MYO9A: variants seen among roughly 807,000 people sequenced by gnomAD.
MYO9A encodes the protein myosin IXA, also known as unconventional myosin-IXa.
In MYO9A, 103 loss-of-function variants were observed where a neutral mutation model predicts 293.3. The observed-to-expected ratio is 0.35, with a 90% confidence interval of 0.30 to 0.41. MYO9A has a LOEUF of 0.41. Ranked by LOEUF, MYO9A falls within the 10% of genes least tolerant of loss-of-function variation. The pLI is 1.00. For missense variants in MYO9A, 2,685 were observed against 3,033.0 expected, an observed-to-expected ratio of 0.89 and a Z score of 2.69; for synonymous variants, 1,001 against 1,035.7, an observed-to-expected ratio of 0.97 and a Z score of 0.64.
intron 13 of MYO9A, among the ~76,000 whole-genome samples, chr15:71,966,304 GTGTA>G (rs2075876248): frequency 5.3e-5 from 8 of 150,794 alleles, no homozygotes; most frequent in Admixed American, 4.7e-4. Flanking sequence ...GTGTGTGTGT[GTGTA>G]TGATTCTATT....
In MYO9A at chr15:71,908,327, A is replaced by AT. The variant is rs200033484; in HGVS notation, c.2686-3322dup. Among the ~76,000 whole-genome samples the AT allele has an allele frequency of 3.1e-3, 467 of 151,416 alleles. 2 individuals carry two copies. The highest frequency in any genetic ancestry group is 5.4e-3 in the Non-Finnish European group (364 of 67,742). The stretch of plus-strand genomic sequence containing the variant: ...ATATCTCTGTTTTGGTACCCGGCTA[A>AT]TTTTTTTTTGTATTTTTAGTAGAGA... On this transcript the variant is annotated intron_variant, in intron 19 of 41. Transcript: ENST00000356056.
Position 71,830,076 on chromosome 15 carries a change from T to C in MYO9A, c.7040+33A>G, listed in dbSNP as rs142606456. ...GAAGGAAGGAAACAAAAACAGACTA[T>C]AACTGTCTCTCCCCTTCCTCCTGGA... On this transcript the variant is annotated intron_variant, in intron 40 of 41. Coordinates refer to ENST00000356056, the MANE Select transcript of MYO9A (RefSeq NM_006901.4). 13,127 of 1,602,802 alleles carry C rather than the reference T, an allele frequency of 8.2e-3. 103 individuals are homozygous for C. The highest frequency in any genetic ancestry group is 0.023 in the African/African-American group (1,752 of 74,686).
intron 9 of MYO9A, chr15:71,999,185 T>A (rs1173544669): frequency 6.6e-6 from 1 of 152,150 alleles, no homozygotes; most frequent in African/African-American, 2.4e-5. Context: ...CCTGTCCAAT[T>A]TTTATAATTA....
chr15:72,053,454 A>G (rs1363131478), intron 1 of MYO9A, among the ~76,000 whole-genome samples: 2 of 152,208 alleles, frequency 1.3e-5, no homozygotes, highest in African/African-American at 4.8e-5. Flanking sequence ...TGTGGCACAT[A>G]TACACCACGG....
intron 4 of MYO9A, among the ~76,000 whole-genome samples, chr15:72,023,080 T>C (rs1043562185): frequency 1.3e-5 from 2 of 152,070 alleles, no homozygotes; most frequent in Admixed American, 1.3e-4. Flanking sequence ...TCTCACCAAA[T>C]AGAGACTAAT....
intron 26 of MYO9A, chr15:71,892,539 G>C (rs1313841002): frequency 6.5e-6 from 1 of 153,642 alleles, no homozygotes; most frequent in African/African-American, 2.4e-5. Flanking sequence ...TTTATTACAA[G>C]ACGGTCATGC....
chr15:71,893,877 C>G, intron 25 of MYO9A, 99 bp from the exon 26 acceptor site: 4 of 910,722 alleles, frequency 4.4e-6, no homozygotes, highest in Non-Finnish European at 5.1e-6. Context: ...ATTTTCAGAT[C>G]TTAGTCAATT....
intron 2 of MYO9A, chr15:72,041,100 C>G: frequency 1.9e-6 from 1 of 513,256 alleles, no homozygotes; most frequent in South Asian, 1.5e-5. Flanking sequence ...CAAAAATTAG[C>G]CAGGTGTGGT....
Position 72,118,117 on chromosome 15 carries a change from G to C in MYO9A, c.-509C>G, listed in dbSNP as rs1417697552. The C allele has an allele frequency of 2.6e-6, 1 of 384,778 alleles. No homozygotes were observed. 23.8% of individuals were successfully genotyped at this position (384,778 alleles called of 1,614,324 possible). A position where few individuals can be genotyped will look rare whatever the true frequency, so the allele number is the denominator to read the frequency against. On this transcript the variant is annotated 5_prime_UTR_variant, in exon 1 of 42. Coordinates refer to ENST00000356056, the MANE Select transcript of MYO9A (RefSeq NM_006901.4). ...CCGCGCACGCGGCCCCGCCCCGCGC[G>C]ACTCCCCGGCTGCAGGCGAGCAGGC...
intron 1 of MYO9A, among the ~76,000 whole-genome samples, chr15:72,066,270 C>T (rs751489461): frequency 7.2e-5 from 11 of 152,176 alleles, no homozygotes; most frequent in Admixed American, 3.9e-4. Flanking sequence ...GGGTGGATCA[C>T]GAGGTCAAGA....
chr15:71,829,043 A>G lies in MYO9A; in HGVS notation c.7041-1017T>C, dbSNP rs1419974738. Among the ~76,000 whole-genome samples the G allele has an allele frequency of 5.9e-5, 9 of 152,212 alleles. No individual in the cohort carries two copies. The East Asian group carries it at 1.7e-3, about 29-fold the overall frequency. ...ATTACAATTGTCTGAGGCCATGTGC[A>G]TTCTGAGACTCTGCTCGTTCTTCTT... On this transcript the variant is annotated intron_variant, in intron 40 of 41. Coordinates refer to ENST00000356056, the MANE Select transcript of MYO9A (RefSeq NM_006901.4).
chr15:71,841,806 T>G (rs568963378), intron 39 of MYO9A, among the ~76,000 whole-genome samples: 5 of 144,638 alleles, frequency 3.5e-5, no homozygotes, highest in Non-Finnish European at 7.5e-5. Context: ...TAGTTTTTTT[T>G]TTTGTTTTTT....
chr15:72,010,961 T>C (rs1484708148), intron 6 of MYO9A, among the ~76,000 whole-genome samples: 2 of 152,052 alleles, frequency 1.3e-5, no homozygotes, highest in African/African-American at 4.8e-5. Flanking sequence ...TTACGTAATA[T>C]AGTTTGTTAC....
rs775611725 is a variant in MYO9A at position 72,020,951 on chromosome 15, A to G, written c.1065T>C (p.Leu355=). 1.9e-6 allele frequency: 3 copies of G among 1,546,524 alleles called. No homozygotes were observed. The Admixed American group carries it at 6.5e-5, about 34-fold the overall frequency. ...GATAATGATATTCCTCTGGTTGCTTAAGATGGAATGCTGATCTCTCATCTT... is the reference window on the plus strand; with the variant it reads ...GATAATGATATTCCTCTGGTTGCTTGAGATGGAATGCTGATCTCTCATCTT... ...ASEDERSAFH[L]KQPEEYHYLN... Residue 355 remains leucine (L), a synonymous_variant, in exon 5 of 42, where the codon CTT becomes CTC. Coordinates refer to ENST00000356056, the MANE Select transcript of MYO9A (RefSeq NM_006901.4).
Position 71,825,094 on chromosome 15 carries a change from TATCTCAAG to T in MYO9A, c.*1478_*1485del, listed in dbSNP as rs757429575. The T allele has an allele frequency of 1.8e-4, 27 of 152,332 alleles. No individual in the cohort carries two copies. In the South Asian group the frequency reaches 3.1e-3, roughly 18 times the overall value. The allele number at this position is 152,332 out of a possible 1,614,324, so 9.4% of individuals were successfully genotyped here. On this transcript the variant is annotated 3_prime_UTR_variant, in exon 42 of 42. Transcript: ENST00000356056. ...TTTAAAAATAAACATTTCACATACT[TATCTCAAG>T]AAAGGCTATCATGTTTCATTTTTTA...
intron 2 of MYO9A, among the ~76,000 whole-genome samples, chr15:72,037,412 G>A (rs1004388301): frequency 3.3e-5 from 5 of 152,020 alleles, no homozygotes; most frequent in Non-Finnish European, 5.9e-5. Flanking sequence ...AGGATATGTC[G>A]ATGCTCACAA....
In MYO9A at chr15:71,898,514, C is replaced by A. The variant is rs777883097; in HGVS notation, c.3989G>T (p.Ser1330Ile). The A allele has an allele frequency of 2.5e-6, 4 of 1,614,040 alleles. No individual in the cohort carries two copies. The highest frequency in any genetic ancestry group is 2.5e-6 in the Non-Finnish European group (3 of 1,180,034). Residue 1330 changes from serine to isoleucine, a missense_variant, in exon 25 of 42, where the codon AGC (serine) becomes ATC (isoleucine). Physicochemically the swap from Ser to Ile is moderately radical, Grantham distance 142. Coordinates refer to ENST00000356056, the MANE Select transcript of MYO9A (RefSeq NM_006901.4). Reference protein sequence around the residue: ...GTPDSESSQGSLELLSYEESQ... With the variant: ...GTPDSESSQGILELLSYEESQ... ...TTCCTCATAGCTCAGAAGTTCCAAGCTTCCTTGAGAGCTCTCACTATCAGG... is the reference window on the plus strand; with the variant it reads ...TTCCTCATAGCTCAGAAGTTCCAAGATTCCTTGAGAGCTCTCACTATCAGG...
rs137865547 is a variant in MYO9A at position 71,854,156 on chromosome 15, G to C, written c.6346+221C>G. 4.0e-3 allele frequency among the ~76,000 whole-genome samples: 615 copies of C among 152,244 alleles called. 20 individuals carry two copies. The highest frequency in any genetic ancestry group is 0.036 in the Admixed American group (553 of 15,274). The stretch of plus-strand genomic sequence containing the variant: ...TTATTACAAAAATTAAATGAGATCT[G>C]TCCCAAGTGCAAATTATATGCTCAA... On this transcript the variant is annotated intron_variant, in intron 35 of 41. Coordinates refer to ENST00000356056, the MANE Select transcript of MYO9A (RefSeq NM_006901.4).
chr15:71,852,421 T>C, intron 35 of MYO9A, 161 bp from the exon 36 acceptor site: 1 of 588,256 alleles, frequency 1.7e-6, no homozygotes, highest in Non-Finnish European at 2.7e-6. Context: ...TGGAGTGCAA[T>C]GGTGTGATCT....
Sources: allele counts gnomAD v4.1 joint callset (sites outside exome capture counted in the v4.1 genomes callset), GRCh38; gene constraint gnomAD v4.1.1; transcripts MANE v1.5; gene names NCBI Gene and HGNC (gene_info 2026-07-23, HGNC 2026-07-21).